AP3B1: variants seen among roughly 807,000 people sequenced by gnomAD.
The protein encoded by AP3B1 is AP-3 complex subunit beta-1.
In AP3B1, 61 loss-of-function variants were observed where a neutral mutation model predicts 132.5. The observed-to-expected ratio is 0.46, with a 90% CI of 0.37 to 0.57. The LOEUF (loss-of-function observed/expected upper bound fraction) is 0.57. Among genes scored for constraint, AP3B1 ranks in the 20% least tolerant of loss-of-function variants. AP3B1 has a pLI of 0.00. For synonymous variants in AP3B1, 388 were observed against 438.3 expected, an observed-to-expected ratio of 0.89 and a Z score of 1.43; for missense variants, 1,120 against 1,289.4, an observed-to-expected ratio of 0.87 and a Z score of 2.01.
At chr5:78,242,474 T>C (rs1033184303) in intron 2 of AP3B1, among the ~76,000 whole-genome samples, 1 of 152,206 alleles carries the variant, frequency 6.6e-6, no homozygotes, top group Non-Finnish European at 1.5e-5. Context: ...TGGCACAATC[T>C]TGGCTCACTG....
chr5:78,257,119 G>C (rs909532282), intron 2 of AP3B1, among the ~76,000 whole-genome samples: 1 of 152,140 alleles, frequency 6.6e-6, no homozygotes, highest in Admixed American at 6.5e-5. Context: ...ACACGACAAG[G>C]TTGCCCACTG....
rs933258851 is a variant in AP3B1, at chr5:78,171,318, C to T, written c.1167+4308G>A. Among the ~76,000 whole-genome samples the T allele has an allele frequency of 1.3e-4, 20 of 152,108 alleles. 1 individual carries two copies. Among genetic ancestry groups the T allele is most frequent in the Admixed American group, 7.2e-4 (11 of 15,262 alleles). ...GGAGGGCATTGAATATATAAATTAC[C>T]TTGGGCAGTATGGCCATTACCACTA... is the stretch of plus-strand genomic sequence containing the variant. On this transcript the variant is annotated intron_variant, in intron 11 of 26. Coordinates refer to ENST00000255194, the MANE Select transcript of AP3B1 (RefSeq NM_003664.5).
intron 26 of AP3B1, among the ~76,000 whole-genome samples, chr5:78,005,393 C>T (rs774002973): frequency 6.6e-6 from 1 of 152,104 alleles, no homozygotes. Context: ...GTTAATGTTA[C>T]AATTAATATA....
chr5:78,290,928 C>T (rs1298473207), intron 1 of AP3B1, among the ~76,000 whole-genome samples: 1 of 152,004 alleles, frequency 6.6e-6, no homozygotes, highest in Admixed American at 6.6e-5. Flanking sequence ...CCAGCCTAGG[C>T]AACAGAGTAA....
chr5:78,163,589 G>GTA (rs1743477947), intron 12 of AP3B1, among the ~76,000 whole-genome samples: 1 of 144,242 alleles, frequency 6.9e-6, no homozygotes. Context: ...ATGTGTGTGT[G>GTA]TGTATATATA....
At chr5:78,157,878 TAG>T (rs1743218243) in intron 13 of AP3B1, among the ~76,000 whole-genome samples, 1 of 151,928 alleles carries the variant, frequency 6.6e-6, no homozygotes, top group East Asian at 1.9e-4. Flanking sequence ...GCCTCCTGAG[TAG>T]CTGGGATTTA....
intron 12 of AP3B1, among the ~76,000 whole-genome samples, chr5:78,163,817 A>G (rs1478226501): frequency 6.6e-6 from 1 of 151,818 alleles, no homozygotes; most frequent in Non-Finnish European, 1.5e-5. Flanking sequence ...GAAAGCTTCT[A>G]TTGTTTACAG....
At chr5:78,079,716 A>G (rs1749909316) in intron 22 of AP3B1, among the ~76,000 whole-genome samples, 1 of 152,216 alleles carries the variant, frequency 6.6e-6, no homozygotes, top group Admixed American at 6.5e-5. Context: ...AAAATAATTC[A>G]GGCAAAGAAG....
At chr5:78,256,291 GAGAAAA>G (rs1158275981) in intron 2 of AP3B1, among the ~76,000 whole-genome samples, 4 of 151,692 alleles carry the variant, frequency 2.6e-5, no homozygotes, top group Non-Finnish European at 5.9e-5. Flanking sequence ...AGAAAAAAAA[GAGAAAA>G]ATCCAAATAA....
intron 22 of AP3B1, among the ~76,000 whole-genome samples, chr5:78,074,618 C>T (rs1749680501): frequency 6.6e-6 from 1 of 152,050 alleles, no homozygotes; most frequent in African/African-American, 2.4e-5. Flanking sequence ...CCTGAATATA[C>T]CTTAACTTTA....
chr5:78,088,344 GA>G (rs1365708431), intron 22 of AP3B1, among the ~76,000 whole-genome samples: 1 of 152,116 alleles, frequency 6.6e-6, no homozygotes, highest in Non-Finnish European at 1.5e-5. Context: ...GTGGTTAAGA[GA>G]TAATCTCATT....
At chr5:78,132,230 A>G (rs1377731650) in intron 15 of AP3B1, among the ~76,000 whole-genome samples, 1 of 152,204 alleles carries the variant, frequency 6.6e-6, no homozygotes, top group African/African-American at 2.4e-5. Flanking sequence ...TTTCTCTTCC[A>G]TAGTTTTCTT....
chr5:78,103,165 A>G (rs570088817), intron 20 of AP3B1, among the ~76,000 whole-genome samples: 95 of 152,304 alleles, frequency 6.2e-4, no homozygotes, highest in African/African-American at 2.2e-3. Context: ...ATCCATAGTA[A>G]GTTCAAAACA....
rs1554066570 is a variant in AP3B1, at chr5:78,110,712, G to GTGTA, written c.2250-362_2250-359dup. The stretch of plus-strand genomic sequence containing the variant: ...TGTGTGTGTGTGTGTGTGTGTGTGT[G>GTGTA]TGTATGTATGTATACATACATGTAT... On this transcript the variant is annotated intron_variant, in intron 19 of 26. Transcript: ENST00000255194. Among the ~76,000 whole-genome samples the GTGTA allele has an allele frequency of 2.3e-4, 34 of 149,404 alleles. No individual in the cohort carries two copies. In the East Asian group the frequency reaches 3.7e-3, roughly 16 times the overall value.
intron 11 of AP3B1, among the ~76,000 whole-genome samples, chr5:78,172,611 T>C (rs1303089238): frequency 6.6e-5 from 10 of 152,208 alleles, no homozygotes; most frequent in Admixed American, 6.5e-4. Context: ...ATGCATCTAT[T>C]TGATTCTTCT....
intron 22 of AP3B1, chr5:78,042,570 T>C (rs988257152): frequency 5.4e-6 from 1 of 184,412 alleles, no homozygotes; most frequent in Non-Finnish European, 1.2e-5. Context: ...CCTCATTGAA[T>C]TTCTTGCAAT....
intron 17 of AP3B1, among the ~76,000 whole-genome samples, chr5:78,123,338 T>C (rs771584663): frequency 5.3e-5 from 8 of 152,074 alleles, no homozygotes; most frequent in Non-Finnish European, 1.0e-4. Flanking sequence ...AAAGCCAAAA[T>C]TGACAAATGG....
At chr5:78,270,253 AG>A (rs1748494649) in intron 1 of AP3B1, among the ~76,000 whole-genome samples, 1 of 152,164 alleles carries the variant, frequency 6.6e-6, no homozygotes, top group Admixed American at 6.5e-5. Flanking sequence ...TGTATTTTGT[AG>A]AAGTATCCAT....
At chr5:78,068,775 C>A (rs1749404635) in intron 22 of AP3B1, among the ~76,000 whole-genome samples, 1 of 149,952 alleles carries the variant, frequency 6.7e-6, no homozygotes, top group African/African-American at 2.5e-5. Flanking sequence ...ATCCTGATAC[C>A]AAAACCTGTC....
Sources: allele counts gnomAD v4.1 joint callset (sites outside exome capture counted in the v4.1 genomes callset), GRCh38; gene constraint gnomAD v4.1.1; transcripts MANE v1.5; gene names NCBI Gene and HGNC (gene_info 2026-07-23, HGNC 2026-07-21).